AKAP7: variants seen among roughly 807,000 people sequenced by gnomAD.
The protein encoded by AKAP7 is A-kinase anchoring protein 7.
In AKAP7, 39 loss-of-function variants were observed where a neutral mutation model predicts 39.5. That is an observed-to-expected ratio of 0.99 (90% CI 0.76 to 1.29). The LOEUF is 1.29. AKAP7 is among the 50% of genes most tolerant of loss of function. AKAP7 has a pLI of 0.00. For missense variants in AKAP7, 414 were observed against 407.7 expected (o/e 1.02, Z -0.13); for synonymous variants, 140 against 139.1 (o/e 1.01, Z -0.05).
chr6:131,238,623 G>A (rs769272331), intron 7 of AKAP7, among the ~76,000 whole-genome samples: 2 of 152,178 alleles, frequency 1.3e-5, no homozygotes, highest in African/African-American at 2.4e-5. Context: ...AGGATAGTTA[G>A]CTCTTCTTGT....
In AKAP7 at chr6:131,258,801, C is replaced by T. The variant is rs1813068750; in HGVS notation, c.851-22729C>T. 1.3e-5 allele frequency among the ~76,000 whole-genome samples: 2 copies of T among 152,154 alleles called. 1 individual carries two copies. The highest frequency in any genetic ancestry group is 4.1e-4 in the South Asian group (2 of 4,830). ...TATTTGAGGCTTATAATTTTCTGCA[C>T]TTATTTATATACTTTCCCCCAAAAC... On this transcript the variant is annotated intron_variant, in intron 7 of 7. Coordinates refer to ENST00000431975, the MANE Select transcript of AKAP7 (RefSeq NM_016377.4).
At chr6:131,247,442 C>T (rs767896189) in intron 7 of AKAP7, among the ~76,000 whole-genome samples, 13 of 150,024 alleles carry the variant, frequency 8.7e-5, no homozygotes, top group Non-Finnish European at 1.8e-4. Flanking sequence ...TCTTCTGCCT[C>T]AGCCTCCCGA....
intron 7 of AKAP7, among the ~76,000 whole-genome samples, chr6:131,259,264 G>A (rs1338668542): frequency 1.3e-5 from 2 of 152,132 alleles, no homozygotes; most frequent in African/African-American, 2.4e-5. Context: ...GCAAGCAGAT[G>A]ACTTGTTAAT....
At chr6:131,228,637 C>T (rs377753588) in intron 7 of AKAP7, among the ~76,000 whole-genome samples, 7 of 152,028 alleles carry the variant, frequency 4.6e-5, no homozygotes, top group Non-Finnish European at 8.8e-5. Flanking sequence ...CCACTGTGCC[C>T]GGCCTGGGTT....
intron 7 of AKAP7, among the ~76,000 whole-genome samples, chr6:131,226,127 C>T (rs1810139931): frequency 6.6e-6 from 1 of 152,218 alleles, no homozygotes; most frequent in Non-Finnish European, 1.5e-5. Flanking sequence ...GCGTAGCTAT[C>T]TTTTATCATC....
At chr6:131,252,460 T>G (rs1364765955) in intron 7 of AKAP7, among the ~76,000 whole-genome samples, 1 of 152,190 alleles carries the variant, frequency 6.6e-6, no homozygotes, top group Non-Finnish European at 1.5e-5. Flanking sequence ...CTAATCTGCT[T>G]CATACTCCGT....
At chr6:131,152,892 G>T (rs1802054380) in intron 2 of AKAP7, among the ~76,000 whole-genome samples, 1 of 151,700 alleles carries the variant, frequency 6.6e-6, no homozygotes, top group African/African-American at 2.4e-5. Context: ...ACTTTGGGAG[G>T]CCAGGGCGGG....
chr6:131,209,873 G>A (rs1808488788), intron 6 of AKAP7, among the ~76,000 whole-genome samples: 1 of 152,062 alleles, frequency 6.6e-6, no homozygotes, highest in South Asian at 2.1e-4. Context: ...TAGAATATAT[G>A]GTCAAGAAAA....
upstream of AKAP7, among the ~76,000 whole-genome samples, chr6:131,131,437 G>A (rs1043079639): frequency 6.7e-6 from 1 of 150,170 alleles, no homozygotes; most frequent in African/African-American, 2.4e-5. Context: ...AGGACATTAA[G>A]ATTACCCGTG....
chr6:131,215,560 A>G (rs934740488), intron 6 of AKAP7, among the ~76,000 whole-genome samples: 1 of 152,184 alleles, frequency 6.6e-6, no homozygotes, highest in African/African-American at 2.4e-5. Context: ...TATCAGGAGG[A>G]TGGTGAAAAT....
rs749562697 is a variant in AKAP7 at position 131,199,483 on chromosome 6, A to G, written c.612A>G (p.Gln204=). ...CAGAGACTGCAAATAGGACATTTCAAGAAAAAGGCATCCTGGTAGGAGAGA... is the reference window on the plus strand; with the variant it reads ...CAGAGACTGCAAATAGGACATTTCAGGAAAAAGGCATCCTGGTAGGAGAGA... The part of the protein sequence containing the change: ...EIAETANRTF[Q]EKGILVGESR... Residue 204 remains glutamine (Q), a synonymous_variant, in exon 6 of 8, where the codon CAA becomes CAG. Transcript: ENST00000431975. 5 of 1,606,724 alleles carry G rather than the reference A, an allele frequency of 3.1e-6. No homozygotes were observed. Among genetic ancestry groups the G allele is most frequent in the Non-Finnish European group, 4.3e-6 (5 of 1,174,294 alleles).
intron 7 of AKAP7, among the ~76,000 whole-genome samples, chr6:131,238,405 G>A (rs1811262355): frequency 6.6e-6 from 1 of 152,206 alleles, no homozygotes; most frequent in African/African-American, 2.4e-5. Context: ...AGAGAGTTCT[G>A]TAGATGTCTA....
intron 7 of AKAP7, among the ~76,000 whole-genome samples, chr6:131,245,605 C>T (rs1811943048): frequency 1.3e-5 from 2 of 152,088 alleles, no homozygotes; most frequent in African/African-American, 2.4e-5. Flanking sequence ...TCCAAAACAT[C>T]CCAATTTCCA....
intron 7 of AKAP7, among the ~76,000 whole-genome samples, chr6:131,247,331 T>TC (rs1812114059): frequency 7.4e-6 from 1 of 135,086 alleles, no homozygotes; most frequent in Non-Finnish European, 1.6e-5. Flanking sequence ...TTTTTCTTTT[T>TC]TTTTTTTTTT....
At chr6:131,131,196 C>A (rs1800320554), upstream of AKAP7, among the ~76,000 whole-genome samples, 1 of 152,154 alleles carries the variant, frequency 6.6e-6, no homozygotes, top group East Asian at 1.9e-4. Flanking sequence ...TCGCATCCAC[C>A]CTCCAGAAAG....
At chr6:131,166,798 C>T (rs551379484) in intron 4 of AKAP7, among the ~76,000 whole-genome samples, 2 of 152,226 alleles carry the variant, frequency 1.3e-5, no homozygotes, top group South Asian at 4.1e-4. Context: ...TTAAAAGTCT[C>T]TGATTTTTAA....
In AKAP7 at chr6:131,141,384, G is replaced by A. The variant is rs1801010223; in HGVS notation, c.20-3901G>A. On this transcript the variant is annotated intron_variant, in intron 1 of 7. Transcript: ENST00000431975. ...TCCACTATGATTATAAGCTTCCTGAGGCCTTCACCAGAAGCAGATGCTGGT... is the reference window on the plus strand; with the variant it reads ...TCCACTATGATTATAAGCTTCCTGAAGCCTTCACCAGAAGCAGATGCTGGT... 2.0e-5 allele frequency among the ~76,000 whole-genome samples: 3 copies of A among 152,252 alleles called. No individual in the cohort carries two copies. The South Asian group carries it at 6.2e-4, about 32-fold the overall frequency.
chr6:131,148,651 T>C (rs924560538), intron 2 of AKAP7, among the ~76,000 whole-genome samples: 1 of 152,182 alleles, frequency 6.6e-6, no homozygotes, highest in Non-Finnish European at 1.5e-5. Flanking sequence ...ACTAAAACAC[T>C]AAGGAACAAA....
At chr6:131,166,881 A>G (rs984608119) in intron 4 of AKAP7, among the ~76,000 whole-genome samples, 2 of 152,126 alleles carry the variant, frequency 1.3e-5, no homozygotes, top group African/African-American at 4.8e-5. Context: ...CTAATTTTCA[A>G]AGTCTAATAT....
Sources: gnomAD v4.1 joint callset for allele counts (sites outside exome capture counted in the v4.1 genomes callset) on GRCh38, gnomAD v4.1.1 for gene constraint, MANE v1.5 for transcripts, NCBI Gene and HGNC (gene_info 2026-07-23, HGNC 2026-07-21) for gene names.